Variants in NFIC observed in about 807,000 individuals in gnomAD.
NFIC encodes the protein nuclear factor 1 C-type.
Under a neutral mutation model 54.4 loss-of-function variants are expected in NFIC, and 12 were observed. The observed-to-expected ratio is 0.22, with a 90% CI of 0.14 to 0.36. NFIC has a LOEUF of 0.36. NFIC is among the 10% of genes least tolerant of loss of function. The probability of loss-of-function intolerance (pLI) is 1.00; values close to 1 mark genes in which losing one functional copy is unlikely to be tolerated. For synonymous variants in NFIC, 322 were observed against 319.2 expected, an observed-to-expected ratio of 1.01 and a Z score of -0.09; for missense variants, 575 against 718.2, an observed-to-expected ratio of 0.80 and a Z score of 2.28.
chr19:3,375,836 C>G lies in NFIC; in HGVS notation c.31-5876C>G, dbSNP rs915778645. Among the ~76,000 whole-genome samples, 3 of 152,192 alleles carry G rather than the reference C, an allele frequency of 2.0e-5. No homozygotes were observed. The highest frequency in any genetic ancestry group is 7.2e-5 in the African/African-American group (3 of 41,458). On this transcript the variant is annotated intron_variant, in intron 1 of 10. Coordinates refer to ENST00000443272, the MANE Select transcript of NFIC (RefSeq NM_001245002.2). This position sits in a 1 kb window ranked among gnomAD's most constrained non-coding sequence, Gnocchi z 4.6. ...TCTGGCAGCAGCTGCTCTGCCCATC[C>G]CGGCCTGGAAATGGGACCGAGTCCA...
intron 1 of NFIC, among the ~76,000 whole-genome samples, chr19:3,373,429 C>T (rs1394550922): frequency 1.3e-5 from 2 of 150,586 alleles, no homozygotes; most frequent in African/African-American, 4.9e-5. Context: ...CCCTCCCCTC[C>T]TCTCTCTTTC....
At chr19:3,432,507 G>C (rs1402020395) in intron 3 of NFIC, among the ~76,000 whole-genome samples, 1 of 152,012 alleles carries the variant, frequency 6.6e-6, no homozygotes, top group Non-Finnish European at 1.5e-5. Context: ...CCCCTCCCAG[G>C]CAGTTGGATA....
chr19:3,429,261 C>CACACACACAT (rs2082082992), intron 3 of NFIC, among the ~76,000 whole-genome samples: 1 of 101,560 alleles, frequency 9.8e-6, no homozygotes, highest in Non-Finnish European at 1.9e-5. Context: ...TATACACACA[C>CACACACACAT]ACACACACAC....
chr19:3,367,084 T>C (rs1231968082), intron 1 of NFIC, among the ~76,000 whole-genome samples: 1 of 151,946 alleles, frequency 6.6e-6, no homozygotes, highest in African/African-American at 2.4e-5. Flanking sequence ...GAGAGGAATC[T>C]AGGGGGTCGT....
At chr19:3,454,041 T>C in intron 9 of NFIC, 125 bp downstream of exon 9, 1 of 1,382,674 alleles carries the variant, frequency 7.2e-7, no homozygotes, top group Non-Finnish European at 9.3e-7. Flanking sequence ...GTTTGGTGGG[T>C]CTCCGGAAAA....
At position 3,381,562 on chromosome 19, in the gene NFIC, G is replaced by C. The variant is rs889875029; in HGVS notation, c.31-150G>C. On this transcript the variant is annotated intron_variant, in intron 1 of 10. Coordinates refer to ENST00000443272, the MANE Select transcript of NFIC (RefSeq NM_001245002.2). Reference sequence around the variant, plus strand: ...TGCGTGCCTCCGGCGGCGTGCACGGGTCCGCAGCGACCCCCTGCCCACCTC... The same window carrying C: ...TGCGTGCCTCCGGCGGCGTGCACGGCTCCGCAGCGACCCCCTGCCCACCTC... 5.7e-6 allele frequency: 7 copies of C among 1,228,974 alleles called. No homozygotes were observed. The African/African-American group carries it at 9.2e-5, about 16-fold the overall frequency. The allele number at this position is 1,228,974 out of a possible 1,614,324, so 76.1% of individuals were successfully genotyped here. A position where few individuals can be genotyped will look rare whatever the true frequency, so the allele number is the denominator to read the frequency against.
intron 2 of NFIC, among the ~76,000 whole-genome samples, chr19:3,399,637 CGAGGAA>C (rs1050954665): frequency 1.3e-4 from 19 of 151,648 alleles, no homozygotes; most frequent in African/African-American, 4.4e-4. Context: ...TTTGGGAAGC[CGAGGAA>C]GACAGATCAC....
Position 3,452,931 on chromosome 19 carries a change from C to G in NFIC, c.1269+265C>G, listed in dbSNP as rs1169888956. On this transcript the variant is annotated intron_variant, in intron 8 of 10. Coordinates refer to ENST00000443272, the MANE Select transcript of NFIC (RefSeq NM_001245002.2). The surrounding 1 kb of genome is among the most constrained non-coding windows in gnomAD (Gnocchi z 5.3). ...TCCCAGCAACTGCGTGAGTCGTACT[C>G]ATGTTAACACAAGGCAGGGAGGGAC... Among the ~76,000 whole-genome samples, 4 of 152,232 alleles carry G rather than the reference C, an allele frequency of 2.6e-5. No individual in the cohort carries two copies. Among genetic ancestry groups the G allele is most frequent in the South Asian group, 2.1e-4 (1 of 4,826 alleles).
At chr19:3,401,458 C>T (rs1020738008) in intron 2 of NFIC, among the ~76,000 whole-genome samples, 3 of 152,172 alleles carry the variant, frequency 2.0e-5, no homozygotes, top group African/African-American at 4.8e-5. Flanking sequence ...CAGTTGCTCA[C>T]CTGGGTCGTT....
At chr19:3,408,887 AC>A (rs2081701730) in intron 2 of NFIC, among the ~76,000 whole-genome samples, 2 of 152,058 alleles carry the variant, frequency 1.3e-5, no homozygotes, top group Non-Finnish European at 2.9e-5. Context: ...CCTGGCTGAC[AC>A]CCGGCTAATT....
In NFIC at chr19:3,463,859, C is replaced by T. The variant is rs1006947435; in HGVS notation, c.*1090C>T. ...TAAGTGCCTGATTACCACCACCCGC[C>T]CCCCCCTTTGTCCAGCTGGGACACG... On this transcript the variant is annotated 3_prime_UTR_variant, in exon 11 of 11. Coordinates refer to ENST00000443272, the MANE Select transcript of NFIC (RefSeq NM_001245002.2). The T allele has an allele frequency of 1.4e-5, 14 of 983,410 alleles. No individual in the cohort carries two copies. The highest frequency in any genetic ancestry group is 3.5e-5 in the African/African-American group (2 of 56,806). 60.9% of individuals were successfully genotyped at this position (983,410 alleles called of 1,614,324 possible). A position where few individuals can be genotyped will look rare whatever the true frequency, so the allele number is the denominator to read the frequency against.
At chr19:3,377,119 G>A (rs1465557873) in intron 1 of NFIC, among the ~76,000 whole-genome samples, 1 of 151,196 alleles carries the variant, frequency 6.6e-6, no homozygotes, top group Non-Finnish European at 1.5e-5. Context: ...ACGAGGTCAG[G>A]ACATTGAGAC....
intron 10 of NFIC, among the ~76,000 whole-genome samples, 162 bp from the exon 11 acceptor site, chr19:3,462,590 A>G (rs1472317557): frequency 1.3e-5 from 2 of 152,180 alleles, no homozygotes; most frequent in African/African-American, 4.8e-5. Context: ...TGGGTCACCC[A>G]GCAGGTTGTT....
intron 2 of NFIC, among the ~76,000 whole-genome samples, chr19:3,423,070 C>T (rs750904972): frequency 1.3e-5 from 2 of 151,948 alleles, no homozygotes; most frequent in Non-Finnish European, 2.9e-5. Flanking sequence ...TGATGACGCG[C>T]GCCTGTAATC....
intron 3 of NFIC, among the ~76,000 whole-genome samples, chr19:3,431,097 G>A (rs1219276963): frequency 6.6e-6 from 1 of 151,882 alleles, no homozygotes; most frequent in Non-Finnish European, 1.5e-5. Context: ...CTGGTTTTGA[G>A]ATGAAGTCTC....
In NFIC at chr19:3,450,596, A is replaced by C. The variant is rs565534824; in HGVS notation, c.1084+1457A>C. On this transcript the variant is annotated intron_variant, in intron 7 of 10. Transcript: ENST00000443272. ...CTTGAACCCGGGAGGCGGAGGCTGC[A>C]GTGAGCCAAGATTGTGCCATTGCAC... is the stretch of plus-strand genomic sequence containing the variant. Among the ~76,000 whole-genome samples the C allele has an allele frequency of 9.9e-4, 151 of 152,164 alleles. 2 individuals carry two copies. Among genetic ancestry groups the C allele is most frequent in the African/African-American group, 3.5e-3 (147 of 41,508 alleles).
At position 3,458,955 on chromosome 19, in the gene NFIC, C is replaced by T. The variant is rs2082600540; in HGVS notation, c.1509+2320C>T. Among the ~76,000 whole-genome samples the T allele has an allele frequency of 6.6e-6, 1 of 152,070 alleles. No individual in the cohort carries two copies. The highest frequency in any genetic ancestry group is 1.5e-5 in the Non-Finnish European group (1 of 67,988). The stretch of plus-strand genomic sequence containing the variant: ...TGGGGAGGACCCCATTGCTGCTGCC[C>T]TGACTGGACTAAGAGCACCTGGGTT... On this transcript the variant is annotated intron_variant, in intron 10 of 10. Transcript: ENST00000443272. This position sits in a 1 kb window ranked among gnomAD's most constrained non-coding sequence, Gnocchi z 4.1.
At chr19:3,367,588 C>T (rs2080919386) in intron 1 of NFIC, among the ~76,000 whole-genome samples, 1 of 152,078 alleles carries the variant, frequency 6.6e-6, no homozygotes, top group Non-Finnish European at 1.5e-5. Context: ...GGGGGCGGCT[C>T]CCCCCGGGGA....
chr19:3,370,916 C>G lies in NFIC; in HGVS notation c.30+4250C>G, dbSNP rs549199649. Among the ~76,000 whole-genome samples, 1 of 152,212 alleles carries G rather than the reference C, an allele frequency of 6.6e-6. No homozygotes were observed. The highest frequency in any genetic ancestry group is 1.5e-5 in the Non-Finnish European group (1 of 68,054). ...GCCCTGAGCACACAGCGTGCGGGCA[C>G]CCAAGTCCTGACCAGTTCACATCCA... On this transcript the variant is annotated intron_variant, in intron 1 of 10. Coordinates refer to ENST00000443272, the MANE Select transcript of NFIC (RefSeq NM_001245002.2). The surrounding 1 kb of genome is among the most constrained non-coding windows in gnomAD (Gnocchi z 5.2).
Sources: allele counts gnomAD v4.1 joint callset (sites outside exome capture counted in the v4.1 genomes callset), GRCh38; gene constraint gnomAD v4.1.1; non-coding constraint Gnocchi (gnomAD v3.1); transcripts MANE v1.5; gene names NCBI Gene and HGNC (gene_info 2026-07-23, HGNC 2026-07-21).